FHIT: variants seen among roughly 807,000 people sequenced by gnomAD.
The protein encoded by FHIT is bis(5'-adenosyl)-triphosphatase.
FHIT carries 19 observed loss-of-function variants against 17.9 expected under a neutral mutation model. That is an observed-to-expected ratio of 1.06 (90% CI 0.74 to 1.56). FHIT has a LOEUF of 1.56. FHIT is among the 40% of genes most tolerant of loss of function. The pLI is 0.00. For synonymous variants in FHIT, 81 were observed against 69.7 expected, an observed-to-expected ratio of 1.16 and a Z score of -0.81; for missense variants, 248 against 189.2, an observed-to-expected ratio of 1.31 and a Z score of -1.82.
chr3:60,849,818 C>T (rs1575595688), intron 3 of FHIT, among the ~76,000 whole-genome samples: 1 of 151,940 alleles, frequency 6.6e-6, no homozygotes, highest in Non-Finnish European at 1.5e-5. Context: ...CTCCAAGGAG[C>T]AATTCCTAAT....
At chr3:60,481,195 C>T (rs1201515709) in intron 5 of FHIT, among the ~76,000 whole-genome samples, 1 of 152,118 alleles carries the variant, frequency 6.6e-6, no homozygotes, top group Non-Finnish European at 1.5e-5. Flanking sequence ...GAATCTACAA[C>T]TGATTGGAGT....
chr3:60,368,139 T>C (rs2107039781), intron 5 of FHIT, among the ~76,000 whole-genome samples: 1 of 151,830 alleles, frequency 6.6e-6, no homozygotes, highest in East Asian at 1.9e-4. Context: ...CATACTTTCC[T>C]TTTGTAGGGG....
At chr3:60,630,533 A>G (rs1412336832) in intron 4 of FHIT, among the ~76,000 whole-genome samples, 1 of 152,196 alleles carries the variant, frequency 6.6e-6, no homozygotes, top group Admixed American at 6.5e-5. Context: ...AAAAGGAGTC[A>G]CTGTACCACC....
chr3:60,449,134 C>G (rs2031545268), intron 5 of FHIT, among the ~76,000 whole-genome samples: 1 of 152,074 alleles, frequency 6.6e-6, no homozygotes, highest in African/African-American at 2.4e-5. Context: ...CTGTTTAGAC[C>G]AAGTATCTTT....
chr3:60,441,096 A>G (rs902543271), intron 5 of FHIT, among the ~76,000 whole-genome samples: 2 of 152,088 alleles, frequency 1.3e-5, no homozygotes, highest in Non-Finnish European at 2.9e-5. Flanking sequence ...AAAGTCCCAT[A>G]AGGTAGAACC....
chr3:61,250,647 A>AC (rs1161476707), intron 1 of FHIT, among the ~76,000 whole-genome samples: 1 of 150,560 alleles, frequency 6.6e-6, no homozygotes, highest in Non-Finnish European at 1.5e-5. Context: ...CTGCCTCCTT[A>AC]CCCCCCACCA....
At chr3:60,258,977 A>T (rs1706157516) in intron 5 of FHIT, among the ~76,000 whole-genome samples, 1 of 151,616 alleles carries the variant, frequency 6.6e-6, no homozygotes, top group Non-Finnish European at 1.5e-5. Context: ...GGTAAAAGAG[A>T]TCTTCCTGCT....
At chr3:59,879,919 ACCCC>A (rs1234624847) in intron 8 of FHIT, among the ~76,000 whole-genome samples, 1 of 83,016 alleles carries the variant, frequency 1.2e-5, no homozygotes, top group Non-Finnish European at 3.0e-5. Context: ...CATTTCCCCC[ACCCC>A]CCCCCCCCCG....
chr3:61,036,071 G>T (rs1450991502), intron 3 of FHIT, among the ~76,000 whole-genome samples: 2 of 152,186 alleles, frequency 1.3e-5, no homozygotes, highest in African/African-American at 4.8e-5. Context: ...AGGTTTAATT[G>T]GCTCACAGTT....
intron 5 of FHIT, among the ~76,000 whole-genome samples, chr3:60,142,692 T>TC (rs947898423): frequency 5.1e-5 from 7 of 138,496 alleles, no homozygotes; most frequent in African/African-American, 2.0e-4. Context: ...CTTTTTTTTT[T>TC]TCTTTTTTTT....
chr3:60,011,305 T>C (rs554659786), intron 7 of FHIT, 66 bp downstream of exon 7: 1 of 1,466,720 alleles, frequency 6.8e-7, no homozygotes, highest in African/African-American at 1.4e-5. Context: ...ATATGACTCG[T>C]TGTGATTTTT....
intron 8 of FHIT, among the ~76,000 whole-genome samples, chr3:59,830,723 G>T (rs941508471): frequency 6.6e-6 from 1 of 152,168 alleles, no homozygotes; most frequent in African/African-American, 2.4e-5. Context: ...AGCACAGCCA[G>T]CCACCTAGCA....
At chr3:60,229,085 T>A (rs1704361073) in intron 5 of FHIT, among the ~76,000 whole-genome samples, 1 of 152,154 alleles carries the variant, frequency 6.6e-6, no homozygotes, top group Non-Finnish European at 1.5e-5. Context: ...ACTGACTTCT[T>A]ACTATGTTGC....
At chr3:59,919,766 C>G (rs1474647475) in intron 8 of FHIT, among the ~76,000 whole-genome samples, 1 of 152,180 alleles carries the variant, frequency 6.6e-6, no homozygotes, top group African/African-American at 2.4e-5. Context: ...GTTGAATGTC[C>G]TGAACAGATG....
At chr3:59,849,086 C>T (rs1034086232) in intron 8 of FHIT, among the ~76,000 whole-genome samples, 2 of 152,140 alleles carry the variant, frequency 1.3e-5, no homozygotes, top group African/African-American at 4.8e-5. Context: ...AAATAAGATT[C>T]TCGGCCAGGC....
Position 59,752,242 on chromosome 3 carries a change from C to CTGAATGAAA in FHIT, c.427_428insTTTCATTCA (p.Leu142_Arg143insLeuSerPhe). 2 of 1,612,512 alleles carry CTGAATGAAA rather than the reference C, an allele frequency of 1.2e-6. No homozygotes were observed. Among genetic ancestry groups the CTGAATGAAA allele is most frequent in the Non-Finnish European group, 1.7e-6 (2 of 1,179,052 alleles). Reference sequence around the variant, plus strand: ...TTACCTGTGTCACTGAAAGTAGACCCGCAGAGCTGCGGCTTCTGCTGCCAT... The same window carrying CTGAATGAAA: ...TTACCTGTGTCACTGAAAGTAGACCCTGAATGAAAGCAGAGCTGCGGCTTCTGCTGCCAT... On this transcript the variant is annotated inframe_insertion, in exon 9 of 10. Transcript: ENST00000492590.
At chr3:60,296,326 C>T (rs938878574) in intron 5 of FHIT, among the ~76,000 whole-genome samples, 13 of 152,126 alleles carry the variant, frequency 8.5e-5, no homozygotes, top group African/African-American at 1.2e-4. Flanking sequence ...TCATTTTCCC[C>T]GCATCTTCAC....
intron 5 of FHIT, among the ~76,000 whole-genome samples, chr3:60,424,437 G>T (rs965278539): frequency 9.9e-5 from 15 of 152,122 alleles, no homozygotes; most frequent in African/African-American, 3.6e-4. Context: ...TGTATTTCTT[G>T]AAGAGCTTAC....
intron 7 of FHIT, among the ~76,000 whole-genome samples, chr3:59,981,089 A>G (rs1191829408): frequency 6.6e-6 from 1 of 152,072 alleles, no homozygotes. Flanking sequence ...CACCACCAAC[A>G]AAAAAAACAC....
Sources: allele counts gnomAD v4.1 joint callset (sites outside exome capture counted in the v4.1 genomes callset), GRCh38; gene constraint gnomAD v4.1.1; transcripts MANE v1.5; gene names NCBI Gene and HGNC (gene_info 2026-07-23, HGNC 2026-07-21).